SCMH1: variants seen among roughly 807,000 people sequenced by gnomAD.
SCMH1 encodes polycomb protein SCMH1.
A neutral mutation model predicts 70.8 loss-of-function variants in SCMH1; 37 were observed. The observed-to-expected ratio is 0.52, with a 90% CI of 0.40 to 0.69. SCMH1 has a LOEUF of 0.69. Among genes scored for constraint, SCMH1 ranks in the 30% least tolerant of loss-of-function variants. The pLI, the probability that SCMH1 is intolerant of heterozygous loss-of-function variation, is 0.00. For synonymous variants in SCMH1, 292 were observed against 307.4 expected (o/e 0.95, Z 0.52); for missense variants, 607 against 827.3 (o/e 0.73, Z 3.27).
rs757907985 is a variant in SCMH1 at position 41,116,908 on chromosome 1, G to A, written c.501+14C>T. 6.3e-7 allele frequency: 1 copy of A among 1,590,298 alleles called. No individual in the cohort carries two copies. Among genetic ancestry groups the A allele is most frequent in the Non-Finnish European group, 8.6e-7 (1 of 1,166,856 alleles). On this transcript the variant is annotated intron_variant, in intron 7 of 14. Transcript: ENST00000337495. Reference sequence around the variant, plus strand: ...AAGCAGCCTGGAGCTGGTGATATCTGAGGGATAGCCTACCTTGTGGAAAAT... The same window carrying A: ...AAGCAGCCTGGAGCTGGTGATATCTAAGGGATAGCCTACCTTGTGGAAAAT...
At chr1:41,147,990 T>A (rs1396920884) in intron 5 of SCMH1, among the ~76,000 whole-genome samples, 3 of 152,200 alleles carry the variant, frequency 2.0e-5, no homozygotes, top group African/African-American at 7.2e-5. Context: ...TTTCCGCTTT[T>A]TAACATTTAA....
intron 12 of SCMH1, among the ~76,000 whole-genome samples, chr1:41,039,380 G>A (rs1297890366): frequency 6.6e-6 from 1 of 152,178 alleles, no homozygotes; most frequent in Non-Finnish European, 1.5e-5. Flanking sequence ...TGTACTGAAA[G>A]CATCATGCTC....
At chr1:41,091,671 C>G (rs559143535) in intron 8 of SCMH1, among the ~76,000 whole-genome samples, 2 of 152,124 alleles carry the variant, frequency 1.3e-5, no homozygotes, top group East Asian at 1.9e-4. Flanking sequence ...TAAGCTGATA[C>G]GCAACTTCAG....
chr1:41,171,100 A>G (rs1055034032), intron 2 of SCMH1, among the ~76,000 whole-genome samples: 6 of 152,218 alleles, frequency 3.9e-5, no homozygotes, highest in African/African-American at 1.4e-4. Context: ...CCACTTACCA[A>G]GGCCAATCTG....
At chr1:41,094,746 G>A (rs1409225787) in intron 8 of SCMH1, among the ~76,000 whole-genome samples, 4 of 151,846 alleles carry the variant, frequency 2.6e-5, no homozygotes, top group Admixed American at 6.6e-5. Context: ...AAAATTAGCC[G>A]GACTTGGTAG....
At chr1:41,206,503 G>A (rs183713417) in intron 1 of SCMH1, among the ~76,000 whole-genome samples, 79 of 152,278 alleles carry the variant, frequency 5.2e-4, no homozygotes, top group African/African-American at 1.9e-3. Context: ...AGAAAAAAGA[G>A]TAAAAAGAAA....
chr1:41,130,556 A>G (rs937167718), intron 6 of SCMH1, among the ~76,000 whole-genome samples: 1 of 152,096 alleles, frequency 6.6e-6, no homozygotes, highest in African/African-American at 2.4e-5. Flanking sequence ...TTAAGTTCCA[A>G]CTTCATTTTT....
chr1:41,188,250 C>G (rs1402828978), intron 1 of SCMH1, among the ~76,000 whole-genome samples: 1 of 152,198 alleles, frequency 6.6e-6, no homozygotes, highest in Admixed American at 6.5e-5. Flanking sequence ...AAAGCAGTGC[C>G]TCCAGAGTAG....
intron 12 of SCMH1, chr1:41,043,891 C>A (rs890086207): frequency 6.6e-6 from 1 of 151,932 alleles, no homozygotes; most frequent in African/African-American, 2.4e-5. Context: ...TTTAAATATA[C>A]AGGTATTCAA....
intron 1 of SCMH1, among the ~76,000 whole-genome samples, chr1:41,236,598 G>A (rs994455533): frequency 2.0e-5 from 3 of 152,146 alleles, no homozygotes; most frequent in African/African-American, 7.2e-5. Flanking sequence ...TTTATCTGGC[G>A]ATAAGGTTAT....
intron 1 of SCMH1, among the ~76,000 whole-genome samples, chr1:41,193,364 A>G (rs1383441253): frequency 6.6e-6 from 1 of 152,180 alleles, no homozygotes; most frequent in Non-Finnish European, 1.5e-5. Flanking sequence ...CACAAAGACA[A>G]ATAAGTGTAA....
intron 10 of SCMH1, among the ~76,000 whole-genome samples, chr1:41,049,903 A>C (rs1553206063): frequency 6.6e-6 from 1 of 151,962 alleles, no homozygotes; most frequent in Non-Finnish European, 1.5e-5. Context: ...ATCTCTACAG[A>C]AAATTTGCTA....
chr1:41,047,349 C>G (rs1321352723), intron 11 of SCMH1, among the ~76,000 whole-genome samples: 2 of 151,006 alleles, frequency 1.3e-5, no homozygotes, highest in Non-Finnish European at 2.9e-5. Flanking sequence ...TAGGCTGGGC[C>G]TCAGAAGGGA....
At chr1:41,081,362 A>G (rs972430725) in intron 8 of SCMH1, among the ~76,000 whole-genome samples, 2 of 152,226 alleles carry the variant, frequency 1.3e-5, no homozygotes, top group African/African-American at 4.8e-5. Context: ...CAGTTTCTAA[A>G]AAATGTGTGG....
intron 13 of SCMH1, among the ~76,000 whole-genome samples, chr1:41,034,989 A>C (rs1025145645): frequency 6.6e-6 from 1 of 151,768 alleles, no homozygotes; most frequent in Non-Finnish European, 1.5e-5. Flanking sequence ...CCTCCATTCT[A>C]CTCCAAATAC....
At position 41,149,640 on chromosome 1, in the gene SCMH1, G is replaced by GAA. The variant is rs528386860; in HGVS notation, c.177+1972_177+1973dup. On this transcript the variant is annotated intron_variant, in intron 5 of 14. Coordinates refer to ENST00000337495, the Ensembl canonical transcript of SCMH1. ...TCCTCGATGCAGTTAAGTTATTTGT[G>GAA]AAGTAGTTTGATCTTCTTGAGTTTT... Among the ~76,000 whole-genome samples, 65 of 152,262 alleles carry GAA rather than the reference G, an allele frequency of 4.3e-4. No individual in the cohort carries two copies. The South Asian group carries it at 9.7e-3, about 23-fold the overall frequency.
chr1:41,042,200 G>C (rs1646265355), intron 12 of SCMH1, among the ~76,000 whole-genome samples: 1 of 151,556 alleles, frequency 6.6e-6, no homozygotes, highest in South Asian at 2.1e-4. Context: ...AATACTGAAG[G>C]TAGGGACAAT....
At chr1:41,048,066 A>C (rs1185585230) in intron 11 of SCMH1, among the ~76,000 whole-genome samples, 3 of 152,174 alleles carry the variant, frequency 2.0e-5, no homozygotes, top group Non-Finnish European at 4.4e-5. Context: ...GCATCAGTTA[A>C]GACTGAAAGG....
At chr1:41,127,240 C>G (rs962464408) in intron 6 of SCMH1, among the ~76,000 whole-genome samples, 1 of 151,998 alleles carries the variant, frequency 6.6e-6, no homozygotes, top group East Asian at 1.9e-4. Flanking sequence ...TATGAGTGTT[C>G]TTTATGAATT....
Sources: gnomAD v4.1 joint callset for allele counts (sites outside exome capture counted in the v4.1 genomes callset) on GRCh38, gnomAD v4.1.1 for gene constraint, MANE v1.5 for transcripts, NCBI Gene and HGNC (gene_info 2026-07-23, HGNC 2026-07-21) for gene names.